The following TEX9 variants were observed in gnomAD, a reference collection of about 807,000 sequenced individuals.
TEX9 encodes the protein testis-expressed protein 9.
A neutral mutation model predicts 59.6 loss-of-function variants in TEX9; 74 were observed. That is an observed-to-expected ratio of 1.24 (90% confidence interval 1.03 to 1.51). TEX9 has a LOEUF of 1.51. Among genes scored for constraint, TEX9 ranks in the 40% most tolerant of loss-of-function variants. TEX9 has a pLI of 0.00. For synonymous variants in TEX9, 186 were observed against 152.2 expected (o/e 1.22, Z -1.64); for missense variants, 522 against 447.8 (o/e 1.17, Z -1.49).
chr15:56,308,073 G>A (rs1470579114), intron 1 of TEX9, among the ~76,000 whole-genome samples: 1 of 152,122 alleles, frequency 6.6e-6, no homozygotes, highest in East Asian at 1.9e-4. Context: ...CATATTTTCA[G>A]TTTTCATCAG....
rs570056647 is a variant in TEX9 at position 56,395,000 on chromosome 15, A to G, written c.828+166A>G. The G allele has an allele frequency of 7.4e-5, 51 of 685,498 alleles. No homozygotes were observed. In the African/African-American group the frequency reaches 7.7e-4, roughly 10 times the overall value. The allele number at this position is 685,498 out of a possible 1,614,324, so 42.5% of individuals were successfully genotyped here. A position where few individuals can be genotyped will look rare whatever the true frequency, so the allele number is the denominator to read the frequency against. ...TTTTTAACAACTTTATTGAGATGTAATTCACCCTTTTAAAGTATGCAATTC... is the reference window on the plus strand; with the variant it reads ...TTTTTAACAACTTTATTGAGATGTAGTTCACCCTTTTAAAGTATGCAATTC... On this transcript the variant is annotated intron_variant, in intron 9 of 12. Transcript: ENST00000352903.
chr15:56,456,543 G>A, the TEX9 span: 51 of 1,602,550 alleles, frequency 3.2e-5, no homozygotes, highest in Non-Finnish European at 3.9e-5. Context: ...ATTTAACTTC[G>A]TTGTTTGTCC....
intron 1 of TEX9, among the ~76,000 whole-genome samples, chr15:56,248,466 A>C (rs2043920344): frequency 6.6e-6 from 1 of 152,152 alleles, no homozygotes; most frequent in South Asian, 2.1e-4. Flanking sequence ...TCATTCTTTC[A>C]AGTACCTTTG....
chr15:56,271,040 T>C (rs1200806890), intron 1 of TEX9, among the ~76,000 whole-genome samples: 2 of 152,154 alleles, frequency 1.3e-5, no homozygotes, highest in African/African-American at 4.8e-5. Context: ...GTGGGTAACA[T>C]GACCTTTCTC....
chr15:56,361,191 T>C (rs1167766091), upstream of TEX9, among the ~76,000 whole-genome samples: 1 of 152,204 alleles, frequency 6.6e-6, no homozygotes, highest in African/African-American at 2.4e-5. Context: ...ATTTTCTCTA[T>C]TGTTTCCCTG....
At chr15:56,261,602 C>T (rs980169544) in intron 1 of TEX9, among the ~76,000 whole-genome samples, 24 of 151,958 alleles carry the variant, frequency 1.6e-4, no homozygotes, top group African/African-American at 4.8e-4. Flanking sequence ...CCTGTAGTCC[C>T]GCTATTCGGG....
Position 56,321,419 on chromosome 15 carries a change from C to T in TEX9, c.-106-52022C>T, listed in dbSNP as rs1300356981. Reference sequence around the variant, plus strand: ...AACTGCATAGGCAAGTAGCATTTTGCAGACATCATTAGAGTAACCTTCAGC... The same window carrying T: ...AACTGCATAGGCAAGTAGCATTTTGTAGACATCATTAGAGTAACCTTCAGC... On this transcript the variant is annotated intron_variant, in intron 1 of 5. Transcript: ENST00000560827. Among the ~76,000 whole-genome samples, 8 of 152,186 alleles carry T rather than the reference C, an allele frequency of 5.3e-5. No homozygotes were observed. In the South Asian group the frequency reaches 1.4e-3, roughly 28 times the overall value.
At chr15:56,283,486 A>C (rs1656091830) in intron 1 of TEX9, among the ~76,000 whole-genome samples, 1 of 152,180 alleles carries the variant, frequency 6.6e-6, no homozygotes, top group African/African-American at 2.4e-5. Context: ...ATGTACATAA[A>C]AGATATTTAA....
chr15:56,446,172 A>T (rs2050900516), downstream of TEX9, among the ~76,000 whole-genome samples: 1 of 152,068 alleles, frequency 6.6e-6, no homozygotes, highest in African/African-American at 2.4e-5. Flanking sequence ...GTTTATGTGG[A>T]CATACACAAT....
chr15:56,365,111 G>A (rs1376848708), upstream of TEX9, among the ~76,000 whole-genome samples: 1 of 152,200 alleles, frequency 6.6e-6, no homozygotes, highest in Non-Finnish European at 1.5e-5. Flanking sequence ...GCCACTAACG[G>A]TTTGAAAAGC....
chr15:56,290,282 G>T (rs1414237249), intron 1 of TEX9, among the ~76,000 whole-genome samples: 1 of 152,086 alleles, frequency 6.6e-6, no homozygotes, highest in Non-Finnish European at 1.5e-5. Context: ...TGTGTAATGG[G>T]TGTTCATTAC....
chr15:56,365,982 A>G, intron 2 of TEX9: 1 of 924,344 alleles, frequency 1.1e-6, no homozygotes, highest in East Asian at 6.1e-5. Flanking sequence ...TGCCACGAAT[A>G]GTTAGTTCAC....
In TEX9 at chr15:56,339,399, A is replaced by AC. The variant is rs1567091378; in HGVS notation, c.-106-34042_-106-34041insC. 1.2e-3 allele frequency among the ~76,000 whole-genome samples: 158 copies of AC among 133,466 alleles called. 7 individuals carry two copies. Among genetic ancestry groups the AC allele is most frequent in the East Asian group, 0.011 (53 of 4,960 alleles). The allele number at this position is 133,466 out of a possible 152,430, so 87.6% of individuals were successfully genotyped here. A position where few individuals can be genotyped will look rare whatever the true frequency, so the allele number is the denominator to read the frequency against. The stretch of plus-strand genomic sequence containing the variant: ...CTCCTTCTCCAAAAAAAAAAAAAAA[A>AC]AAAAAAAAAAAAAAACAGGAGAATA... On this transcript the variant is annotated intron_variant, in intron 1 of 5. Coordinates refer to the TEX9 transcript ENST00000560827.
At chr15:56,350,539 G>C (rs1341769040) in intron 1 of TEX9, among the ~76,000 whole-genome samples, 2 of 152,190 alleles carry the variant, frequency 1.3e-5, no homozygotes, top group African/African-American at 4.8e-5. Context: ...AGGTTCTCAT[G>C]CCTTTCACAC....
the TEX9 span, chr15:56,456,553 C>T: frequency 6.3e-7 from 1 of 1,591,040 alleles, no homozygotes; most frequent in Non-Finnish European, 8.5e-7. Flanking sequence ...GTTGTTTGTC[C>T]TCTAGAATCA....
chr15:56,414,598 A>G (rs12443053), intron 10 of TEX9, among the ~76,000 whole-genome samples: 6,713 of 151,916 alleles, frequency 0.044, 237 homozygotes, highest in Admixed American at 0.087. Context: ...GCTACATAGT[A>G]TTCCATGGTG....
At chr15:56,305,503 G>T (rs2045460318) in intron 1 of TEX9, among the ~76,000 whole-genome samples, 1 of 152,106 alleles carries the variant, frequency 6.6e-6, no homozygotes. Context: ...TGACAAAAAT[G>T]CCAAGAACGT....
chr15:56,401,525 C>T (rs1375833432), intron 9 of TEX9, among the ~76,000 whole-genome samples: 1 of 152,092 alleles, frequency 6.6e-6, no homozygotes, highest in Non-Finnish European at 1.5e-5. Context: ...GAGACTTAGA[C>T]TACCACACAA....
chr15:56,402,586 G>A (rs1399132103), intron 9 of TEX9, among the ~76,000 whole-genome samples: 1 of 152,170 alleles, frequency 6.6e-6, no homozygotes, highest in Non-Finnish European at 1.5e-5. Flanking sequence ...CATTCCTTCT[G>A]AAACTGTTCC....
Sources: allele counts gnomAD v4.1 joint callset (sites outside exome capture counted in the v4.1 genomes callset), GRCh38; gene constraint gnomAD v4.1.1; transcripts MANE v1.5; gene names NCBI Gene and HGNC (gene_info 2026-07-23, HGNC 2026-07-21).